ABTB3: variants seen among roughly 807,000 people sequenced by gnomAD.
ABTB3 encodes ankyrin repeat and BTB domain containing 3, also known as ankyrin repeat- and BTB/POZ domain-containing protein 3.
At chr12:107,616,397 C>G in the ABTB3 span, among the ~76,000 whole-genome samples, 1 of 152,192 alleles carries the variant, frequency 6.6e-6, no homozygotes, top group Admixed American at 6.5e-5. Context: ...TTTCCATCAG[C>G]AGTGCTGACA....
chr12:107,501,716 AAGAC>A, the ABTB3 span, among the ~76,000 whole-genome samples: 1 of 151,990 alleles, frequency 6.6e-6, no homozygotes, highest in Non-Finnish European at 1.5e-5. Flanking sequence ...AAAAAAAAGA[AAGAC>A]AGCCTGTTCA....
the ABTB3 span, among the ~76,000 whole-genome samples, chr12:107,464,126 C>T: frequency 6.6e-6 from 1 of 151,960 alleles, no homozygotes; most frequent in Middle Eastern, 3.4e-3. Flanking sequence ...TAAATCAGGC[C>T]ACTTTTGACT....
the ABTB3 span, among the ~76,000 whole-genome samples, chr12:107,565,859 C>T: frequency 0.043 from 6,476 of 152,262 alleles, 440 homozygotes; most frequent in African/African-American, 0.15. Flanking sequence ...AATATTTTGC[C>T]AGTGTCCACG....
chr12:107,355,241 G>A, the ABTB3 span, among the ~76,000 whole-genome samples: 2 of 152,342 alleles, frequency 1.3e-5, no homozygotes, highest in Middle Eastern at 3.4e-3. Context: ...CACCGTCTAT[G>A]AGCTGGAGCC....
chr12:107,359,858 C>T, the ABTB3 span, among the ~76,000 whole-genome samples: 1 of 152,188 alleles, frequency 6.6e-6, no homozygotes. Flanking sequence ...TGCCTCTGCT[C>T]CTTTCATCGT....
chr12:107,545,895 C>T, the ABTB3 span, among the ~76,000 whole-genome samples: 2 of 152,242 alleles, frequency 1.3e-5, no homozygotes, highest in South Asian at 4.2e-4. Context: ...GGCTCAGCTC[C>T]CTCATGTCAT....
chr12:107,548,967 A>C, the ABTB3 span, among the ~76,000 whole-genome samples: 2 of 152,208 alleles, frequency 1.3e-5, no homozygotes, highest in Admixed American at 6.5e-5. Context: ...GGTAACTGTG[A>C]GCAGCTTCAC....
chr12:107,477,672 G>T, the ABTB3 span, among the ~76,000 whole-genome samples: 2 of 152,012 alleles, frequency 1.3e-5, no homozygotes, highest in African/African-American at 2.4e-5. Context: ...GCACCAACAC[G>T]CATAAAACAG....
chr12:107,495,188 CAT>C, the ABTB3 span, among the ~76,000 whole-genome samples: 2 of 152,174 alleles, frequency 1.3e-5, no homozygotes, highest in Non-Finnish European at 2.9e-5. Flanking sequence ...GGAAAAAAGA[CAT>C]GACTTGCAGC....
At chr12:107,538,919 C>T in the ABTB3 span, among the ~76,000 whole-genome samples, 1 of 152,264 alleles carries the variant, frequency 6.6e-6, no homozygotes, top group South Asian at 2.1e-4. Context: ...TTTTTAAGGG[C>T]CACACTCAAA....
At chr12:107,610,401 G>T in the ABTB3 span, 1 of 1,603,538 alleles carries the variant, frequency 6.2e-7, no homozygotes, top group South Asian at 1.1e-5. Flanking sequence ...TCCTCCATGT[G>T]CATCACCCCT....
At chr12:107,642,098 C>A in the ABTB3 span, 3 of 1,613,822 alleles carry the variant, frequency 1.9e-6, no homozygotes, top group Admixed American at 3.3e-5. Context: ...AGGTTCAAAG[C>A]ACTCCTCTCC....
chr12:107,561,046 T>G, the ABTB3 span, among the ~76,000 whole-genome samples: 2 of 152,216 alleles, frequency 1.3e-5, no homozygotes, highest in Admixed American at 6.5e-5. Flanking sequence ...TTAGGCCAAG[T>G]GTGCTGGCGG....
chr12:107,516,021 G>A, the ABTB3 span, among the ~76,000 whole-genome samples: 1 of 140,100 alleles, frequency 7.1e-6, no homozygotes, highest in African/African-American at 2.9e-5. Flanking sequence ...AAATTATGAA[G>A]AGTGTGTGTG....
chr12:107,617,341 C>A, the ABTB3 span: 1 of 1,614,110 alleles, frequency 6.2e-7, no homozygotes, highest in Non-Finnish European at 8.5e-7. Context: ...AGCGTGGTGC[C>A]GATCCCCTGA....
chr12:107,493,524 A>G, the ABTB3 span, among the ~76,000 whole-genome samples: 3 of 152,258 alleles, frequency 2.0e-5, no homozygotes, highest in South Asian at 2.1e-4. Flanking sequence ...AGGGCCTGGC[A>G]TTTCTTGAGG....
the ABTB3 span, among the ~76,000 whole-genome samples, chr12:107,645,469 C>G: frequency 6.6e-6 from 1 of 152,158 alleles, no homozygotes; most frequent in Admixed American, 6.5e-5. Context: ...CCTAGCAGAG[C>G]TGAGGTTCAA....
the ABTB3 span, among the ~76,000 whole-genome samples, chr12:107,374,563 G>A: frequency 1.3e-5 from 2 of 152,208 alleles, no homozygotes; most frequent in Non-Finnish European, 2.9e-5. Flanking sequence ...CACCCAACCA[G>A]CTGGGACCAG....
At chr12:107,527,228 C>T in the ABTB3 span, among the ~76,000 whole-genome samples, 6 of 152,146 alleles carry the variant, frequency 3.9e-5, no homozygotes, top group Middle Eastern at 3.2e-3. Flanking sequence ...CTGTCTCCCC[C>T]ACCAAGACTG....
Sources: allele counts gnomAD v4.1 joint callset (sites outside exome capture counted in the v4.1 genomes callset), GRCh38; gene constraint gnomAD v4.1.1; transcripts MANE v1.5; gene names NCBI Gene and HGNC (gene_info 2026-07-23, HGNC 2026-07-21).